The following SUPT3H variants were observed in gnomAD, a reference collection of about 807,000 sequenced individuals.
SUPT3H encodes transcription initiation protein SPT3 homolog.
Under a neutral mutation model 44.3 loss-of-function variants are expected in SUPT3H, and 44 were observed. That is an observed-to-expected ratio of 0.99 (90% CI 0.78 to 1.28). The LOEUF (loss-of-function observed/expected upper bound fraction) is 1.28, where lower values mean the gene tolerates loss of function less well. Ranked by LOEUF, SUPT3H falls within the 50% of genes most tolerant of loss-of-function variation. SUPT3H has a pLI of 0.00. For synonymous variants in SUPT3H, 124 were observed against 125.6 expected (o/e 0.99, Z 0.09); for missense variants, 380 against 387.1 (o/e 0.98, Z 0.15).
At position 45,324,896 on chromosome 6, in the gene SUPT3H, T is replaced by C. The variant is rs368043498; in HGVS notation, c.101+40305A>G. On this transcript the variant is annotated intron_variant, in intron 2 of 10. Coordinates refer to ENST00000371459, the MANE Select transcript of SUPT3H (RefSeq NM_003599.4). ...GCATGCAGTTGTGTACATAAACATATACCCCATTAAACAAGGAAATGGAAT... is the reference window on the plus strand; with the variant it reads ...GCATGCAGTTGTGTACATAAACATACACCCCATTAAACAAGGAAATGGAAT... Among the ~76,000 whole-genome samples the C allele has an allele frequency of 2.6e-4, 39 of 151,984 alleles. 2 individuals carry two copies. The highest frequency in any genetic ancestry group is 1.6e-3 in the Admixed American group (25 of 15,220).
At chr6:45,162,089 T>C (rs927402938) in intron 2 of SUPT3H, among the ~76,000 whole-genome samples, 1 of 152,116 alleles carries the variant, frequency 6.6e-6, no homozygotes, top group Non-Finnish European at 1.5e-5. Flanking sequence ...CAGTTTGCTT[T>C]CAAGGGTATG....
At chr6:44,886,017 T>C (rs189995713) in intron 10 of SUPT3H, among the ~76,000 whole-genome samples, 116 of 151,926 alleles carry the variant, frequency 7.6e-4, no homozygotes, top group African/African-American at 2.2e-3. Context: ...AGGGTATCAG[T>C]GATGGAAGAT....
chr6:45,223,822 A>T (rs1160589710), intron 2 of SUPT3H, among the ~76,000 whole-genome samples: 2 of 151,388 alleles, frequency 1.3e-5, no homozygotes, highest in African/African-American at 4.8e-5. Flanking sequence ...TCTACTTACG[A>T]ATTTACTATG....
At chr6:44,861,226 A>T (rs1055432328) in intron 10 of SUPT3H, among the ~76,000 whole-genome samples, 3 of 151,870 alleles carry the variant, frequency 2.0e-5, no homozygotes, top group African/African-American at 7.3e-5. Context: ...ACAGGCAAGC[A>T]CCACCACACC....
intron 10 of SUPT3H, among the ~76,000 whole-genome samples, chr6:44,915,054 A>G (rs1767606526): frequency 6.6e-6 from 1 of 152,186 alleles, no homozygotes; most frequent in African/African-American, 2.4e-5. Context: ...CTGAACATCC[A>G]ATTCTTTCTC....
At chr6:45,077,006 G>A (rs1281651235) in intron 3 of SUPT3H, among the ~76,000 whole-genome samples, 2 of 151,978 alleles carry the variant, frequency 1.3e-5, no homozygotes, top group Non-Finnish European at 2.9e-5. Context: ...CCCTCAAAAT[G>A]TTCTATTCAC....
chr6:44,994,006 T>C (rs1411562212), intron 6 of SUPT3H, among the ~76,000 whole-genome samples: 1 of 152,096 alleles, frequency 6.6e-6, no homozygotes. Context: ...TTTCAAATTA[T>C]GTAGCAAGTA....
At chr6:45,099,925 G>C (rs986230309) in intron 3 of SUPT3H, among the ~76,000 whole-genome samples, 2 of 152,032 alleles carry the variant, frequency 1.3e-5, no homozygotes, top group African/African-American at 4.8e-5. Context: ...GTGGCTAAAG[G>C]CTTAGCCAGA....
At chr6:45,103,057 T>C (rs1320340948) in intron 3 of SUPT3H, among the ~76,000 whole-genome samples, 5 of 152,054 alleles carry the variant, frequency 3.3e-5, no homozygotes, top group Admixed American at 6.5e-5. Flanking sequence ...CACACACATA[T>C]AATTTGTCAT....
chr6:45,225,036 T>C (rs1766701443), intron 2 of SUPT3H, among the ~76,000 whole-genome samples: 1 of 151,982 alleles, frequency 6.6e-6, no homozygotes, highest in Non-Finnish European at 1.5e-5. Context: ...CCCAGTACTT[T>C]AGGAGGCCAA....
chr6:45,195,888 C>T (rs578197739), intron 2 of SUPT3H, among the ~76,000 whole-genome samples: 16 of 152,012 alleles, frequency 1.1e-4, no homozygotes, highest in Middle Eastern at 3.4e-3. Context: ...TTTCTGATCC[C>T]GGGCAAGTTA....
chr6:45,124,941 G>A (rs774952116), intron 2 of SUPT3H, among the ~76,000 whole-genome samples: 1 of 152,098 alleles, frequency 6.6e-6, no homozygotes, highest in African/African-American at 2.4e-5. Flanking sequence ...CACACAGAGG[G>A]AAGGCAATAT....
At chr6:44,924,537 C>A (rs963028833) in intron 10 of SUPT3H, among the ~76,000 whole-genome samples, 2 of 151,850 alleles carry the variant, frequency 1.3e-5, no homozygotes, top group African/African-American at 4.8e-5. Flanking sequence ...ACAGGTCAAC[C>A]AATAAAGAAA....
chr6:44,897,901 T>G (rs1377622380), intron 10 of SUPT3H, among the ~76,000 whole-genome samples: 3 of 152,212 alleles, frequency 2.0e-5, no homozygotes, highest in Non-Finnish European at 4.4e-5. Context: ...GACATTTAAT[T>G]TTTTCAGTCA....
chr6:44,895,931 G>C (rs1489352479), intron 10 of SUPT3H, among the ~76,000 whole-genome samples: 1 of 151,928 alleles, frequency 6.6e-6, no homozygotes, highest in East Asian at 1.9e-4. Flanking sequence ...GAAAAAAGCA[G>C]AATTCTCTTC....
intron 2 of SUPT3H, among the ~76,000 whole-genome samples, chr6:45,174,044 A>G (rs2095569313): frequency 6.6e-6 from 1 of 152,212 alleles, no homozygotes; most frequent in African/African-American, 2.4e-5. Context: ...TAATTCTTTC[A>G]TTCAGGGATA....
intron 10 of SUPT3H, among the ~76,000 whole-genome samples, chr6:44,866,767 G>A (rs1324024149): frequency 6.6e-6 from 1 of 151,588 alleles, no homozygotes; most frequent in Non-Finnish European, 1.5e-5. Context: ...GCCTTCAATG[G>A]CTACTTGAGT....
At chr6:44,933,599 T>G (rs1469202441) in intron 9 of SUPT3H, among the ~76,000 whole-genome samples, 1 of 152,166 alleles carries the variant, frequency 6.6e-6, no homozygotes, top group Non-Finnish European at 1.5e-5. Context: ...ATTAAATAAG[T>G]TGAAATACAT....
intron 2 of SUPT3H, among the ~76,000 whole-genome samples, chr6:45,177,020 C>T (rs1309304710): frequency 2.6e-5 from 4 of 152,206 alleles, no homozygotes; most frequent in Non-Finnish European, 5.9e-5. Flanking sequence ...GCCTCTCCTC[C>T]TCCAAAGGAA....
Sources: gnomAD v4.1 joint callset for allele counts (sites outside exome capture counted in the v4.1 genomes callset) on GRCh38, gnomAD v4.1.1 for gene constraint, MANE v1.5 for transcripts, NCBI Gene and HGNC (gene_info 2026-07-23, HGNC 2026-07-21) for gene names.